ASIP: variants seen among roughly 807,000 people sequenced by gnomAD.
ASIP encodes agouti signaling protein.
A neutral mutation model predicts 10.3 loss-of-function variants in ASIP; 11 were observed. That is an observed-to-expected ratio of 1.07 (90% CI 0.68 to 1.78). The LOEUF is 1.78. Ranked by LOEUF, ASIP falls within the 40% of genes most tolerant of loss-of-function variation. The pLI is 0.00. For missense variants in ASIP, 180 were observed against 169.2 expected (o/e 1.06, Z -0.35); for synonymous variants, 70 against 70.8 (o/e 0.99, Z 0.06).
intron 1 of ASIP, among the ~76,000 whole-genome samples, chr20:34,242,684 A>G (rs753934882): frequency 1.3e-5 from 2 of 152,260 alleles, no homozygotes; most frequent in Non-Finnish European, 2.9e-5. Context: ...ACTAATGCAT[A>G]CATATTCTTA....
chr20:34,251,072 C>A (rs1219511968), intron 1 of ASIP, among the ~76,000 whole-genome samples: 1 of 152,142 alleles, frequency 6.6e-6, no homozygotes. Context: ...TGGACCTGTA[C>A]AAACCCTCAT....
At chr20:34,202,863 C>A (rs1450338606) in intron 1 of ASIP, among the ~76,000 whole-genome samples, 2 of 137,432 alleles carry the variant, frequency 1.5e-5, no homozygotes, top group Admixed American at 8.1e-5. Context: ...GGCTGGAGTG[C>A]AGCGGCATGA....
Position 34,199,171 on chromosome 20 carries a change from A to G in ASIP, c.-11+4411A>G, listed in dbSNP as rs528034733. 3.8e-3 allele frequency among the ~76,000 whole-genome samples: 579 copies of G among 152,226 alleles called. 8 individuals carry two copies. Among genetic ancestry groups the G allele is most frequent in the Non-Finnish European group, 3.5e-3 (235 of 68,012 alleles). On this transcript the variant is annotated intron_variant, in intron 1 of 3. Coordinates refer to the ASIP transcript ENST00000568305. ...TTGTTTATCCATTTGTTTATCCATA[A>G]TTTATTTATCTACAATTTACATGGA...
intron 1 of ASIP, among the ~76,000 whole-genome samples, chr20:34,218,429 G>T (rs2035023710): frequency 6.6e-6 from 1 of 152,166 alleles, no homozygotes; most frequent in Admixed American, 6.5e-5. Context: ...ATATAGCCTT[G>T]TTCATTACTT....
At chr20:34,268,478 T>G (rs1448299898) in intron 3 of ASIP, among the ~76,000 whole-genome samples, 1 of 152,016 alleles carries the variant, frequency 6.6e-6, no homozygotes, top group Non-Finnish European at 1.5e-5. Context: ...AACCCAGCAC[T>G]TTGGGAGGCC....
At chr20:34,247,279 T>C (rs1208111317) in intron 1 of ASIP, among the ~76,000 whole-genome samples, 2 of 151,636 alleles carry the variant, frequency 1.3e-5, no homozygotes, top group South Asian at 2.1e-4. Flanking sequence ...ACGAAAGCTA[T>C]GATTATTACA....
chr20:34,246,470 G>T (rs993130232), intron 1 of ASIP: 5 of 1,398,950 alleles, frequency 3.6e-6, no homozygotes, highest in Non-Finnish European at 5.0e-6. Context: ...TGGGTAATTG[G>T]CATCTAACTT....
intron 1 of ASIP, among the ~76,000 whole-genome samples, chr20:34,257,070 C>CTTTTTTTTTTTT (rs56227909): frequency 5.0e-5 from 7 of 139,412 alleles, no homozygotes; most frequent in Admixed American, 7.2e-5. Flanking sequence ...CTTTCTTTCT[C>CTTTTTTTTTTTT]TTTTTTTTTT....
At chr20:34,219,744 C>T (rs1313709993) in intron 1 of ASIP, among the ~76,000 whole-genome samples, 1 of 152,188 alleles carries the variant, frequency 6.6e-6, no homozygotes, top group African/African-American at 2.4e-5. Flanking sequence ...CATTCACAAA[C>T]TTTCTGAACA....
At chr20:34,187,208 G>A in the ASIP span, among the ~76,000 whole-genome samples, 1 of 152,140 alleles carries the variant, frequency 6.6e-6, no homozygotes, top group African/African-American at 2.4e-5. Context: ...TCCACAAAGG[G>A]GTGTGAGAGT....
At chr20:34,249,870 T>C (rs557846276) in intron 1 of ASIP, 2 of 152,230 alleles carry the variant, frequency 1.3e-5, no homozygotes, top group East Asian at 3.8e-4. Flanking sequence ...AAATCACATA[T>C]GCACAGTGTT....
the ASIP span, among the ~76,000 whole-genome samples, chr20:34,188,600 T>C: frequency 6.6e-6 from 1 of 152,188 alleles, no homozygotes; most frequent in African/African-American, 2.4e-5. Context: ...TTTATTGACA[T>C]TGTATTATTA....
At chr20:34,232,951 G>A (rs1376826413) in intron 1 of ASIP, among the ~76,000 whole-genome samples, 2 of 152,100 alleles carry the variant, frequency 1.3e-5, no homozygotes, top group African/African-American at 4.8e-5. Context: ...AACATTAACT[G>A]TTCCCTACCT....
intron 1 of ASIP, among the ~76,000 whole-genome samples, chr20:34,195,841 C>CTTTT (rs2034851868): frequency 6.6e-6 from 1 of 151,862 alleles, no homozygotes; most frequent in Non-Finnish European, 1.5e-5. Context: ...GAGTGAGGAA[C>CTTTT]AATTACTTTT....
In ASIP at chr20:34,204,188, G is replaced by A. The variant is rs1019019824; in HGVS notation, c.-11+9428G>A. Among the ~76,000 whole-genome samples the A allele has an allele frequency of 4.0e-5, 6 of 151,304 alleles. No individual in the cohort carries two copies. The East Asian group carries it at 9.7e-4, about 24-fold the overall frequency. On this transcript the variant is annotated intron_variant, in intron 1 of 3. Transcript: ENST00000568305. ...CACAATCATGTAGTATGTGTAGTGT[G>A]TGTAGTGATTTCTTTCAGATAGTTA...
intron 1 of ASIP, among the ~76,000 whole-genome samples, chr20:34,231,453 T>G (rs978569700): frequency 6.6e-6 from 1 of 152,268 alleles, no homozygotes; most frequent in Non-Finnish European, 1.5e-5. Context: ...GAAGAAATCT[T>G]TTGTGACTTT....
chr20:34,192,821 A>AT (rs1258359589), upstream of ASIP, among the ~76,000 whole-genome samples: 1 of 152,180 alleles, frequency 6.6e-6, no homozygotes, highest in Non-Finnish European at 1.5e-5. Context: ...ATTTAAAAAA[A>AT]TTTTATGGAT....
At chr20:34,203,939 T>C (rs1174113000) in intron 1 of ASIP, among the ~76,000 whole-genome samples, 1 of 152,124 alleles carries the variant, frequency 6.6e-6, no homozygotes, top group Admixed American at 6.6e-5. Context: ...TTGGCCAGGC[T>C]GGTCTCGAAC....
intron 1 of ASIP, among the ~76,000 whole-genome samples, chr20:34,198,724 C>G (rs2034874430): frequency 1.3e-5 from 2 of 152,050 alleles, no homozygotes; most frequent in East Asian, 3.9e-4. Context: ...AGTGAACCTC[C>G]CACCTCAACC....
Sources: allele counts gnomAD v4.1 joint callset (sites outside exome capture counted in the v4.1 genomes callset), GRCh38; gene constraint gnomAD v4.1.1; transcripts MANE v1.5; gene names NCBI Gene and HGNC (gene_info 2026-07-23, HGNC 2026-07-21).